The following MYLK4 variants were observed in gnomAD, a reference collection of about 807,000 sequenced individuals.
MYLK4 encodes myosin light chain kinase family member 4.
MYLK4 carries 46 observed loss-of-function variants against 48.1 expected under a neutral mutation model. The observed-to-expected ratio is 0.96, with a 90% confidence interval of 0.75 to 1.22. The LOEUF (loss-of-function observed/expected upper bound fraction) is 1.22, where lower values mean the gene tolerates loss of function less well. Among genes scored for constraint, MYLK4 ranks in the 50% most tolerant of loss-of-function variants. MYLK4 has a pLI of 0.00. For missense variants in MYLK4, 451 were observed against 486.1 expected (o/e 0.93, Z 0.68); for synonymous variants, 170 against 180.8 (o/e 0.94, Z 0.48).
chr6:2,694,513 CGGTGGTGGTGG>C, intron 2 of MYLK4, among the ~76,000 whole-genome samples: 2 of 3,608 alleles, frequency 5.5e-4, no homozygotes, highest in Middle Eastern at 0.056. Context: ...GTGGTGGTGG[CGGTGGTGGTGG>C]TGGTGGTAGT....
intron 2 of MYLK4, among the ~76,000 whole-genome samples, chr6:2,714,934 G>A (rs750252882): frequency 1.8e-4 from 28 of 152,308 alleles, no homozygotes; most frequent in Non-Finnish European, 2.9e-4. Flanking sequence ...GTGGTTGCCA[G>A]GGGCTGGGGT....
At chr6:2,766,456 C>A in the MYLK4 span, 9 of 1,515,006 alleles carry the variant, frequency 5.9e-6, no homozygotes, top group African/African-American at 1.4e-5. Flanking sequence ...TGAGTGCGGC[C>A]TTGGCCGTTG....
chr6:2,763,218 C>T, the MYLK4 span, among the ~76,000 whole-genome samples: 1 of 152,338 alleles, frequency 6.6e-6, no homozygotes, highest in South Asian at 2.1e-4. Flanking sequence ...AATCCCTTAG[C>T]TAGACATAAA....
intron 2 of MYLK4, among the ~76,000 whole-genome samples, chr6:2,702,210 G>A (rs1762313391): frequency 6.6e-6 from 1 of 152,148 alleles, no homozygotes; most frequent in Non-Finnish European, 1.5e-5. Context: ...TAATCTCTGG[G>A]GTTGACAGAT....
chr6:2,687,337 A>G (rs1037511036), intron 4 of MYLK4, among the ~76,000 whole-genome samples: 1 of 152,212 alleles, frequency 6.6e-6, no homozygotes, highest in African/African-American at 2.4e-5. Context: ...TGAGTGAATT[A>G]CGGCTGCCAA....
At chr6:2,712,720 C>T (rs138244916) in intron 2 of MYLK4, among the ~76,000 whole-genome samples, 114 of 152,300 alleles carry the variant, frequency 7.5e-4, no homozygotes, top group African/African-American at 2.5e-3. Context: ...ACGGCTGCAT[C>T]GGGCTTTCAC....
chr6:2,733,267 T>A (rs919126297), intron 2 of MYLK4, among the ~76,000 whole-genome samples: 3 of 152,222 alleles, frequency 2.0e-5, no homozygotes, highest in Non-Finnish European at 1.5e-5. Context: ...CAAATTTTTA[T>A]CCCCATAAAA....
At chr6:2,762,315 T>TA in the MYLK4 span, among the ~76,000 whole-genome samples, 1 of 152,230 alleles carries the variant, frequency 6.6e-6, no homozygotes, top group African/African-American at 2.4e-5. Context: ...GCAACTCTAC[T>TA]GTCTAATCTT....
At chr6:2,699,865 G>A (rs1193172952) in intron 2 of MYLK4, among the ~76,000 whole-genome samples, 1 of 152,080 alleles carries the variant, frequency 6.6e-6, no homozygotes. Context: ...GGCCACCATG[G>A]GGGTCCAGGC....
intron 2 of MYLK4, among the ~76,000 whole-genome samples, chr6:2,736,318 G>T (rs1490085891): frequency 1.3e-5 from 2 of 152,204 alleles, no homozygotes; most frequent in Non-Finnish European, 2.9e-5. Flanking sequence ...GCAATGGCGC[G>T]ATCTCGGCTC....
Position 2,671,189 on chromosome 6 carries a change from A to G in MYLK4, c.*25+87T>C, listed in dbSNP as rs1443256765. The G allele has an allele frequency of 5.3e-6, 5 of 939,470 alleles. No homozygotes were observed. In the East Asian group the frequency reaches 7.6e-5, roughly 14 times the overall value. The allele number at this position is 939,470 out of a possible 1,614,324, so 58.2% of individuals were successfully genotyped here. On this transcript the variant is annotated intron_variant, in intron 12 of 12. Coordinates refer to ENST00000274643, the MANE Select transcript of MYLK4 (RefSeq NM_001012418.5). Reference sequence around the variant, plus strand: ...GCCAAAACGCTGCTCTTCTTCCTGCATAGTCTGTGAGCAAATGCTCCATTT... The same window carrying G: ...GCCAAAACGCTGCTCTTCTTCCTGCGTAGTCTGTGAGCAAATGCTCCATTT...
intron 12 of MYLK4, among the ~76,000 whole-genome samples, chr6:2,670,502 G>T (rs1465183782): frequency 6.6e-6 from 1 of 152,192 alleles, no homozygotes; most frequent in Admixed American, 6.5e-5. Flanking sequence ...GAGCTGACTT[G>T]CTGCAGGGTC....
rs1333041175 is a variant in MYLK4 at position 2,672,103 on chromosome 6, AG to A, written c.1120-756del. Among the ~76,000 whole-genome samples, 1 of 152,192 alleles carries A rather than the reference AG, an allele frequency of 6.6e-6. No homozygotes were observed. Among genetic ancestry groups the A allele is most frequent in the African/African-American group, 2.4e-5 (1 of 41,456 alleles). On this transcript the variant is annotated intron_variant, in intron 11 of 12. Transcript: ENST00000274643. This position sits in a 1 kb window ranked among gnomAD's most constrained non-coding sequence, Gnocchi z 4.3. ...TGGGTTGTTTTATTAGTTCACTGAG[AG>A]GGCATGAGCCGAGGTCACAACACTG...
intron 10 of MYLK4, among the ~76,000 whole-genome samples, chr6:2,676,753 C>T (rs548676786): frequency 1.2e-4 from 19 of 152,304 alleles, no homozygotes; most frequent in East Asian, 9.7e-4. Context: ...TCTGCATCTG[C>T]TCTGAGATAG....
At chr6:2,679,739 T>C (rs1761221056) in intron 8 of MYLK4, among the ~76,000 whole-genome samples, 1 of 152,206 alleles carries the variant, frequency 6.6e-6, no homozygotes, top group South Asian at 2.1e-4. Flanking sequence ...TGAATAAGCC[T>C]GTAAAATGAA....
chr6:2,684,638 A>G (rs1761455667), intron 6 of MYLK4, among the ~76,000 whole-genome samples: 1 of 152,128 alleles, frequency 6.6e-6, no homozygotes, highest in Non-Finnish European at 1.5e-5. Flanking sequence ...AACAAAAATA[A>G]TACAAATTTT....
chr6:2,720,868 A>G (rs370362548), intron 2 of MYLK4, among the ~76,000 whole-genome samples: 16 of 152,260 alleles, frequency 1.1e-4, no homozygotes, highest in African/African-American at 3.9e-4. Flanking sequence ...CAGAACAAGA[A>G]TAAGAGAATG....
chr6:2,763,538 C>T, the MYLK4 span, among the ~76,000 whole-genome samples: 1 of 152,228 alleles, frequency 6.6e-6, no homozygotes, highest in Admixed American at 6.5e-5. Context: ...CCGTCCTGGG[C>T]CGGTGGTGCA....
intron 2 of MYLK4, among the ~76,000 whole-genome samples, chr6:2,721,123 C>T (rs1374550960): frequency 1.3e-5 from 2 of 151,916 alleles, no homozygotes; most frequent in African/African-American, 2.4e-5. Context: ...ATCACACCAC[C>T]GCACTCCAGC....
Sources: gnomAD v4.1 joint callset for allele counts (sites outside exome capture counted in the v4.1 genomes callset) on GRCh38, gnomAD v4.1.1 for gene constraint, Gnocchi (gnomAD v3.1) non-coding constraint, MANE v1.5 for transcripts, NCBI Gene and HGNC (gene_info 2026-07-23, HGNC 2026-07-21) for gene names.